The following WDHD1 variants were observed in gnomAD, a reference collection of about 807,000 sequenced individuals.
WDHD1 encodes the protein WD repeat and HMG-box DNA binding protein 1.
In WDHD1, 111 loss-of-function variants were observed where a neutral mutation model predicts 135.4. The ratio of observed to expected loss-of-function variants is 0.82; its 90% CI spans 0.70 to 0.96. The LOEUF (loss-of-function observed/expected upper bound fraction) is 0.96, where lower values mean the gene tolerates loss of function less well. Ranked by LOEUF, WDHD1 falls within the 40% of genes least tolerant of loss-of-function variation. The pLI is 0.00. For missense variants in WDHD1, 1,351 were observed against 1,336.3 expected (o/e 1.01, Z -0.17); for synonymous variants, 434 against 439.0 (o/e 0.99, Z 0.14).
At chr14:54,948,571 G>A (rs531844650) in intron 24 of WDHD1, among the ~76,000 whole-genome samples, 1 of 152,190 alleles carries the variant, frequency 6.6e-6, no homozygotes, top group South Asian at 2.1e-4. Flanking sequence ...TCCACCTCTG[G>A]GGGCAGGGCA....
chr14:55,007,034 C>A (rs1219311615), intron 7 of WDHD1, among the ~76,000 whole-genome samples: 2 of 151,804 alleles, frequency 1.3e-5, no homozygotes, highest in African/African-American at 4.8e-5. Context: ...CGAGACCAGC[C>A]TGGGCAACAC....
At chr14:55,025,935 G>A (rs1016275033) in intron 2 of WDHD1, among the ~76,000 whole-genome samples, 8 of 152,148 alleles carry the variant, frequency 5.3e-5, no homozygotes, top group African/African-American at 1.9e-4. Flanking sequence ...AGAAACACTT[G>A]TCCAAAGAAG....
chr14:54,999,934 T>C (rs1050913704), intron 10 of WDHD1, among the ~76,000 whole-genome samples: 3 of 152,202 alleles, frequency 2.0e-5, no homozygotes, highest in African/African-American at 4.8e-5. Context: ...CTGACTTCTT[T>C]AACCTTATGG....
rs1247514445 is a variant in WDHD1 at position 55,027,016 on chromosome 14, G to C, written c.-17+12C>G. The C allele has an allele frequency of 1.9e-6, 1 of 536,260 alleles. No individual in the cohort carries two copies. Among genetic ancestry groups the C allele is most frequent in the Non-Finnish European group, 3.4e-6 (1 of 297,948 alleles). 33.2% of individuals were successfully genotyped at this position (536,260 alleles called of 1,614,324 possible). A position where few individuals can be genotyped will look rare whatever the true frequency, so the allele number is the denominator to read the frequency against. On this transcript the variant is annotated intron_variant, in intron 1 of 25. Transcript: ENST00000360586. The stretch of plus-strand genomic sequence containing the variant: ...TCCTTGGTGGACGCGGGCAGCCGGA[G>C]TGGGGACTCACCCGGGTGACCGAGC...
At position 54,981,703 on chromosome 14, in the gene WDHD1, A is replaced by T. The variant is rs1463432734; in HGVS notation, c.1907-7T>A. On this transcript the variant is annotated splice_polypyrimidine_tract_variant and splice_region_variant and intron_variant, in intron 15 of 25. Transcript: ENST00000360586. ...TCCACGTAACAAGGGGTACCTAAAC[A>T]CCAACAGAAAAATCACTTGGAGACA... The T allele has an allele frequency of 6.3e-7, 1 of 1,590,724 alleles. No individual in the cohort carries two copies.
chr14:55,022,682 A>C lies in WDHD1; in HGVS notation c.77+4029T>G, dbSNP rs961077722. 3.3e-5 allele frequency among the ~76,000 whole-genome samples: 5 copies of C among 151,002 alleles called. No individual in the cohort carries two copies. The East Asian group carries it at 9.7e-4, about 29-fold the overall frequency. ...GTGAGACAGCTAGACTCCATCTCAA[A>C]AAAACAAAACAAACAAACAAACAAA... On this transcript the variant is annotated intron_variant, in intron 2 of 25. Transcript: ENST00000360586.
In WDHD1 at chr14:54,941,665, T is replaced by A. The variant is rs200963477; in HGVS notation, c.3215A>T (p.Glu1072Val). ...TGCTTCAGTTCCTTCACTTGCCGTT[T>A]CTCCTTTGGCTTTGTTAGCCCACAC... ...RKVWANKAKGETASEGTEAKK... is the reference protein window; with the variant it reads ...RKVWANKAKGVTASEGTEAKK... Residue 1072 changes from glutamate (E) to valine (V), a missense_variant, in exon 26 of 26, where the codon GAA becomes GTA. Coordinates refer to ENST00000360586, the MANE Select transcript of WDHD1 (RefSeq NM_007086.4). The A allele has an allele frequency of 1.4e-5, 23 of 1,613,782 alleles. 1 individual carries two copies. In the East Asian group the frequency reaches 5.1e-4, roughly 36 times the overall value.
intron 18 of WDHD1, among the ~76,000 whole-genome samples, chr14:54,964,221 T>C (rs997004432): frequency 6.6e-6 from 1 of 152,230 alleles, no homozygotes; most frequent in African/African-American, 2.4e-5. Context: ...AGATATTCCA[T>C]GTCTGATCCA....
intron 21 of WDHD1, among the ~76,000 whole-genome samples, chr14:54,961,118 C>G (rs1566712476): frequency 1.3e-5 from 2 of 152,104 alleles, no homozygotes; most frequent in African/African-American, 4.8e-5. Flanking sequence ...AGTCTATTAT[C>G]TGTTCTTCTT....
chr14:54,963,022 C>T lies in WDHD1; in HGVS notation c.2461G>A (p.Ala821Thr), dbSNP rs117821150. The change falls in exon 19 of 26, where the codon GCC (alanine) becomes ACC (threonine). Residue 821 changes from alanine (A) to threonine (T), a missense_variant. Physicochemically the swap from Ala to Thr is moderately conservative, Grantham distance 58. Coordinates refer to ENST00000360586, the MANE Select transcript of WDHD1 (RefSeq NM_007086.4). Reference sequence around the variant, plus strand: ...TCCACCTGGGTTGCTGTCAATTCGGCTGCCTTCTCTACAGCCAGTTCACTT... The same window carrying T: ...TCCACCTGGGTTGCTGTCAATTCGGTTGCCTTCTCTACAGCCAGTTCACTT... ...KLSELAVEKAAELTATQVEEE... is the reference protein window; with the variant it reads ...KLSELAVEKATELTATQVEEE... 5.1e-5 allele frequency: 83 copies of T among 1,613,922 alleles called. No homozygotes were observed. The East Asian group carries it at 1.6e-3, about 32-fold the overall frequency.
intron 16 of WDHD1, among the ~76,000 whole-genome samples, chr14:54,970,003 T>C (rs866858444): frequency 6.6e-6 from 1 of 152,270 alleles, no homozygotes; most frequent in South Asian, 2.1e-4. Context: ...TCAACATCCT[T>C]TCATAATAAA....
At chr14:54,985,355 A>C (rs2041679368) in intron 14 of WDHD1, among the ~76,000 whole-genome samples, 1 of 152,196 alleles carries the variant, frequency 6.6e-6, no homozygotes, top group African/African-American at 2.4e-5. Flanking sequence ...CTGCCATGCA[A>C]ACATTAGGGG....
intron 16 of WDHD1, among the ~76,000 whole-genome samples, chr14:54,970,229 A>C (rs1202035948): frequency 6.6e-6 from 1 of 152,166 alleles, no homozygotes; most frequent in Non-Finnish European, 1.5e-5. Flanking sequence ...AAATAGGAAA[A>C]GAAGTCAAAT....
At chr14:55,000,787 C>G in intron 9 of WDHD1, 99 bp downstream of exon 9, 1 of 1,127,918 alleles carries the variant, frequency 8.9e-7, no homozygotes, top group South Asian at 2.9e-5. Context: ...TACTTTCATT[C>G]TGACAATCTG....
chr14:55,021,695 A>G (rs2042351220), intron 2 of WDHD1, among the ~76,000 whole-genome samples: 1 of 151,974 alleles, frequency 6.6e-6, no homozygotes, highest in Non-Finnish European at 1.5e-5. Context: ...CATGTCTGCT[A>G]CCTCTTGAAT....
chr14:54,956,817 T>A (rs1391114241), intron 23 of WDHD1, among the ~76,000 whole-genome samples: 1 of 152,152 alleles, frequency 6.6e-6, no homozygotes, highest in African/African-American at 2.4e-5. Context: ...CTCAAACTCC[T>A]GGGCTCAAGT....
intron 2 of WDHD1, among the ~76,000 whole-genome samples, chr14:55,024,385 C>A (rs990111569): frequency 4.6e-5 from 7 of 152,224 alleles, no homozygotes; most frequent in East Asian, 1.9e-4. Context: ...CTTTCTCAAC[C>A]GTAACATTCA....
chr14:54,954,247 A>G (rs1187379786), intron 24 of WDHD1, among the ~76,000 whole-genome samples: 1 of 152,102 alleles, frequency 6.6e-6, no homozygotes, highest in East Asian at 1.9e-4. Flanking sequence ...GATCGTGCCA[A>G]TGCACTCCAG....
At chr14:54,967,226 A>T in intron 17 of WDHD1, 54 bp downstream of exon 17, 1 of 1,334,120 alleles carries the variant, frequency 7.5e-7, no homozygotes, top group Non-Finnish European at 1.1e-6. Flanking sequence ...AAGTGTGTGT[A>T]TCACAGGTGC....
Sources: allele counts gnomAD v4.1 joint callset (sites outside exome capture counted in the v4.1 genomes callset), GRCh38; gene constraint gnomAD v4.1.1; transcripts MANE v1.5; gene names NCBI Gene and HGNC (gene_info 2026-07-23, HGNC 2026-07-21).